Variants in STON2 observed in about 807,000 individuals in gnomAD.
STON2 encodes the protein stonin 2.
Under a neutral mutation model 65.7 loss-of-function variants are expected in STON2, and 29 were observed. That is an observed-to-expected ratio of 0.44 (90% CI 0.33 to 0.60). STON2 has a LOEUF of 0.60. STON2 is among the 20% of genes least tolerant of loss of function. STON2 has a pLI of 0.03. For missense variants in STON2, 1,054 were observed against 1,118.1 expected (o/e 0.94, Z 0.82); for synonymous variants, 404 against 414.2 (o/e 0.98, Z 0.30).
chr14:81,371,757 A>T (rs1310646889), intron 3 of STON2, among the ~76,000 whole-genome samples: 1 of 152,090 alleles, frequency 6.6e-6, no homozygotes, highest in Non-Finnish European at 1.5e-5. Flanking sequence ...AAGGAACACA[A>T]GTTACTTCAG....
At position 81,262,515 on chromosome 14, in the gene STON2, G is replaced by A; in HGVS notation, c.*5899C>T. On this transcript the variant is annotated 3_prime_UTR_variant, in exon 8 of 8. Coordinates refer to ENST00000614646, the MANE Select transcript of STON2 (RefSeq NM_001394390.1). ...TCTAGTTCAAGTATTTTGAGGCTTG[G>A]TACCCAATGCTGATTTGTCATCTCT... 1.0e-6 allele frequency: 1 copy of A among 985,222 alleles called. No individual in the cohort carries two copies. The highest frequency in any genetic ancestry group is 1.2e-6 in the Non-Finnish European group (1 of 829,792). The allele number at this position is 985,222 out of a possible 1,614,324, so 61.0% of individuals were successfully genotyped here.
At chr14:81,380,349 T>C (rs1243054265) in intron 3 of STON2, among the ~76,000 whole-genome samples, 2 of 152,070 alleles carry the variant, frequency 1.3e-5, no homozygotes, top group Non-Finnish European at 2.9e-5. Context: ...ATAGATGCTG[T>C]TGAGGTTGCA....
intron 5 of STON2, among the ~76,000 whole-genome samples, chr14:81,293,317 G>A (rs548851259): frequency 2.0e-5 from 3 of 152,106 alleles, no homozygotes; most frequent in Non-Finnish European, 2.9e-5. Flanking sequence ...GGGACTGCAG[G>A]AGCGTGCCAC....
chr14:81,372,482 G>C (rs764186019), intron 3 of STON2, among the ~76,000 whole-genome samples: 5 of 151,404 alleles, frequency 3.3e-5, no homozygotes, highest in South Asian at 4.2e-4. Flanking sequence ...TTGAACCCAG[G>C]AGGCGGGTGT....
rs145274283 is a variant in STON2 at position 81,406,278 on chromosome 14, T to A, written c.-198-7698A>T. Among the ~76,000 whole-genome samples the A allele has an allele frequency of 5.9e-3, 902 of 152,304 alleles. 3 individuals carry two copies. The highest frequency in any genetic ancestry group is 8.8e-3 in the Non-Finnish European group (601 of 68,018). On this transcript the variant is annotated intron_variant, in intron 2 of 8. Transcript: ENST00000553821. ...ATATACATCTATCCTATTAATTCTG[T>A]CCCTTTAGAGAACCCTAACACACAG... is the stretch of plus-strand genomic sequence containing the variant.
intron 5 of STON2, among the ~76,000 whole-genome samples, chr14:81,284,220 A>G (rs886660755): frequency 1.3e-5 from 2 of 152,226 alleles, no homozygotes; most frequent in African/African-American, 4.8e-5. Context: ...ATGAAGAGTT[A>G]TATGTCTCTT....
chr14:81,341,631 TG>T (rs1444203244), intron 4 of STON2, among the ~76,000 whole-genome samples: 2 of 152,138 alleles, frequency 1.3e-5, no homozygotes, highest in East Asian at 1.9e-4. Context: ...TGGGCGTGTA[TG>T]GGGCACATAC....
chr14:81,426,684 A>C (rs1428657672), intron 2 of STON2, among the ~76,000 whole-genome samples: 2 of 152,202 alleles, frequency 1.3e-5, no homozygotes, highest in Non-Finnish European at 2.9e-5. Context: ...CGAAACATCG[A>C]GTCATCCAAC....
intron 5 of STON2, among the ~76,000 whole-genome samples, chr14:81,315,686 TTA>T (rs1896593294): frequency 6.6e-6 from 1 of 152,252 alleles, no homozygotes; most frequent in African/African-American, 2.4e-5. Context: ...CAAATTTTTC[TTA>T]TGAGCTGGGT....
chr14:81,370,909 T>G, intron 4 of STON2, 79 bp downstream of exon 4: 2 of 1,370,470 alleles, frequency 1.5e-6, no homozygotes, highest in Non-Finnish European at 2.0e-6. Flanking sequence ...GCTGCAGCAA[T>G]TTTTAAAAGG....
intron 3 of STON2, among the ~76,000 whole-genome samples, chr14:81,378,727 A>AT (rs1259967022): frequency 6.6e-6 from 1 of 152,222 alleles, no homozygotes; most frequent in Non-Finnish European, 1.5e-5. Flanking sequence ...CTCAAGAACT[A>AT]TTTTTAGCCC....
Position 81,424,141 on chromosome 14 carries a change from T to C in STON2, c.-199+2961A>G, listed in dbSNP as rs149288160. Among the ~76,000 whole-genome samples the C allele has an allele frequency of 5.5e-4, 84 of 152,332 alleles. 2 individuals are homozygous for C. The South Asian group carries it at 0.011, about 20-fold the overall frequency. On this transcript the variant is annotated intron_variant, in intron 2 of 8. Transcript: ENST00000553821. ...CACTCATCCCCACACTCCTAGTTTA[T>C]TTCCTTCTTTTATTTTTCCTAATCA...
chr14:81,367,583 T>C (rs758673268), intron 4 of STON2, among the ~76,000 whole-genome samples: 2 of 152,168 alleles, frequency 1.3e-5, no homozygotes, highest in Non-Finnish European at 2.9e-5. Context: ...TTCTCCTCCT[T>C]CTATTCTGGG....
At chr14:81,415,036 C>G (rs1183854991) in intron 2 of STON2, among the ~76,000 whole-genome samples, 1 of 151,988 alleles carries the variant, frequency 6.6e-6, no homozygotes, top group African/African-American at 2.4e-5. Context: ...TCTTATGATC[C>G]CCAATCCTTC....
chr14:81,376,195 C>A (rs1399950842), intron 3 of STON2, among the ~76,000 whole-genome samples: 1 of 151,212 alleles, frequency 6.6e-6, no homozygotes, highest in Non-Finnish European at 1.5e-5. Context: ...AATATAAAAT[C>A]ATAAATTATT....
At chr14:81,376,973 A>G (rs1899281035) in intron 3 of STON2, among the ~76,000 whole-genome samples, 1 of 152,122 alleles carries the variant, frequency 6.6e-6, no homozygotes, top group Non-Finnish European at 1.5e-5. Flanking sequence ...CATTAATACA[A>G]TCCACCAATC....
chr14:81,331,448 G>A (rs1897211006), intron 4 of STON2, among the ~76,000 whole-genome samples: 1 of 152,162 alleles, frequency 6.6e-6, no homozygotes, highest in South Asian at 2.1e-4. Context: ...TGGATCTGAC[G>A]TGTCAGTGAC....
chr14:81,392,733 A>G (rs1340394998), intron 3 of STON2, among the ~76,000 whole-genome samples: 1 of 152,154 alleles, frequency 6.6e-6, no homozygotes, highest in Non-Finnish European at 1.5e-5. Context: ...TTTGATATGG[A>G]GCAAAAGTGC....
intron 2 of STON2, among the ~76,000 whole-genome samples, chr14:81,409,431 AT>A (rs1406931719): frequency 5.4e-4 from 8 of 14,862 alleles, no homozygotes; most frequent in African/African-American, 2.4e-3. Context: ...AAATATAAAA[AT>A]ATATATATAT....
Sources: gnomAD v4.1 joint callset for allele counts (sites outside exome capture counted in the v4.1 genomes callset) on GRCh38, gnomAD v4.1.1 for gene constraint, MANE v1.5 for transcripts, NCBI Gene and HGNC (gene_info 2026-07-23, HGNC 2026-07-21) for gene names.